The following QTMAN variants were observed in gnomAD, a reference collection of about 807,000 sequenced individuals.
The protein encoded by QTMAN is tRNA-queuosine alpha-mannosyltransferase.
chr2:144,199,745 G>A, the QTMAN span, among the ~76,000 whole-genome samples: 1 of 152,152 alleles, frequency 6.6e-6, no homozygotes, highest in African/African-American at 2.4e-5. Context: ...TTGAATGAGA[G>A]ACATGACAAA....
chr2:144,032,515 G>A, the QTMAN span, among the ~76,000 whole-genome samples: 13 of 152,172 alleles, frequency 8.5e-5, no homozygotes, highest in Admixed American at 7.9e-4. Context: ...CATAGTATCC[G>A]TCTTGCATAT....
At chr2:144,284,126 C>CT in the QTMAN span, among the ~76,000 whole-genome samples, 1 of 151,894 alleles carries the variant, frequency 6.6e-6, no homozygotes, top group African/African-American at 2.4e-5. Context: ...AATAATCATA[C>CT]TGCTGTTCTA....
chr2:144,313,773 TAG>T, the QTMAN span, among the ~76,000 whole-genome samples: 9 of 151,528 alleles, frequency 5.9e-5, no homozygotes, highest in Admixed American at 5.3e-4. Context: ...TTATTATCAT[TAG>T]AGTTTTTTTT....
At chr2:144,102,947 T>A in the QTMAN span, among the ~76,000 whole-genome samples, 2 of 152,214 alleles carry the variant, frequency 1.3e-5, no homozygotes, top group Non-Finnish European at 2.9e-5. Context: ...TATCTCTCCA[T>A]ATCTGTCCCT....
the QTMAN span, among the ~76,000 whole-genome samples, chr2:144,129,566 A>AGAAAATAT: frequency 9.2e-5 from 14 of 152,032 alleles, no homozygotes; most frequent in Non-Finnish European, 1.5e-4. Flanking sequence ...ACAACAGGCA[A>AGAAAATAT]GAAAATATGA....
the QTMAN span, among the ~76,000 whole-genome samples, chr2:144,222,083 G>A: frequency 2.7e-5 from 4 of 150,918 alleles, no homozygotes; most frequent in East Asian, 2.0e-4. Context: ...TTTTTGAGAC[G>A]GAGTCTTGCT....
the QTMAN span, among the ~76,000 whole-genome samples, chr2:144,181,848 T>C: frequency 2.0e-5 from 3 of 152,080 alleles, no homozygotes; most frequent in Non-Finnish European, 2.9e-5. Flanking sequence ...AAATAACTTA[T>C]GTGACAGTTA....
the QTMAN span, among the ~76,000 whole-genome samples, chr2:144,204,176 C>G: frequency 1.6e-4 from 24 of 152,254 alleles, no homozygotes; most frequent in African/African-American, 5.5e-4. Context: ...AGCTTCTGCA[C>G]AGCAAAAGAA....
At chr2:144,212,986 A>G in the QTMAN span, among the ~76,000 whole-genome samples, 151,646 of 152,290 alleles carry the variant, frequency 1, 75,507 homozygotes, top group East Asian at 1. Context: ...ATCTATTTAA[A>G]AATTGTCTAC....
chr2:144,182,883 A>G, the QTMAN span, among the ~76,000 whole-genome samples: 4 of 80,750 alleles, frequency 5.0e-5, no homozygotes, highest in South Asian at 8.7e-4. Flanking sequence ...TTATATATAT[A>G]TTTTATATAT....
the QTMAN span, chr2:144,237,243 C>T: frequency 6.6e-6 from 1 of 152,102 alleles, no homozygotes; most frequent in Non-Finnish European, 1.5e-5. Flanking sequence ...CCTATACCCA[C>T]CCAGCATGTC....
At chr2:144,261,159 C>T in the QTMAN span, among the ~76,000 whole-genome samples, 22 of 152,278 alleles carry the variant, frequency 1.4e-4, no homozygotes, top group South Asian at 4.6e-3. Flanking sequence ...AAGTCTAATG[C>T]CTTCTTAGCA....
chr2:144,224,173 A>G, the QTMAN span, among the ~76,000 whole-genome samples: 1 of 152,226 alleles, frequency 6.6e-6, no homozygotes, highest in Non-Finnish European at 1.5e-5. Flanking sequence ...CTAATCCTTA[A>G]TTAGATTTCA....
chr2:144,258,843 A>T, the QTMAN span, among the ~76,000 whole-genome samples: 1 of 152,250 alleles, frequency 6.6e-6, no homozygotes, highest in Non-Finnish European at 1.5e-5. Flanking sequence ...GACATAGAAT[A>T]GCTTGTTTGT....
the QTMAN span, chr2:143,945,062 A>G: frequency 6.6e-6 from 1 of 152,126 alleles, no homozygotes; most frequent in Non-Finnish European, 1.5e-5. Flanking sequence ...TGGCTGTGAG[A>G]TAATATTATT....
At chr2:144,314,487 C>T in the QTMAN span, among the ~76,000 whole-genome samples, 1 of 152,032 alleles carries the variant, frequency 6.6e-6, no homozygotes, top group African/African-American at 2.4e-5. Context: ...CCAAGGCTGG[C>T]GGATCATGAG....
the QTMAN span, among the ~76,000 whole-genome samples, chr2:144,297,609 C>T: frequency 2.2e-4 from 28 of 127,456 alleles, 1 homozygote; most frequent in South Asian, 1.1e-3. Flanking sequence ...GAGACAGAGT[C>T]TCTCTCTGTC....
chr2:144,325,828 T>C, the QTMAN span, among the ~76,000 whole-genome samples: 1 of 152,170 alleles, frequency 6.6e-6, no homozygotes, highest in Non-Finnish European at 1.5e-5. Context: ...ACAAGAAATT[T>C]TACAAAAACA....
At chr2:144,106,583 C>T in the QTMAN span, among the ~76,000 whole-genome samples, 2,117 of 152,338 alleles carry the variant, frequency 0.014, 28 homozygotes, top group South Asian at 0.033. Context: ...GCACCCAATA[C>T]AGGAGCACCC....
Sources: allele counts gnomAD v4.1 joint callset (sites outside exome capture counted in the v4.1 genomes callset), GRCh38; gene constraint gnomAD v4.1.1; transcripts MANE v1.5; gene names NCBI Gene and HGNC (gene_info 2026-07-23, HGNC 2026-07-21).